The following RNF139 variants were observed in gnomAD, a reference collection of about 807,000 sequenced individuals.
The protein encoded by RNF139 is E3 ubiquitin-protein ligase RNF139.
Under a neutral mutation model 49.5 loss-of-function variants are expected in RNF139, and 15 were observed. That is an observed-to-expected ratio of 0.30 (90% CI 0.20 to 0.47). RNF139 has a LOEUF of 0.47. Among genes scored for constraint, RNF139 ranks in the 20% least tolerant of loss-of-function variants. RNF139 has a pLI of 1.00. For synonymous variants in RNF139, 325 were observed against 300.9 expected (o/e 1.08, Z -0.83); for missense variants, 619 against 806.3 (o/e 0.77, Z 2.81).
At chr8:124,476,660 C>G (rs953398746) in intron 1 of RNF139, among the ~76,000 whole-genome samples, 27 of 152,168 alleles carry the variant, frequency 1.8e-4, no homozygotes, top group Non-Finnish European at 4.4e-5. Context: ...CTAACGTATA[C>G]CACCACCATA....
chr8:124,486,192 T>A lies in RNF139; in HGVS notation c.543T>A (p.Thr181=). The change falls in exon 2 of 2, where the codon ACT becomes ACA. Residue 181 remains threonine, a synonymous_variant. Transcript: ENST00000303545. ...ACATCAGAGAGACTTTACTGTTTAC[T>A]TCTTCCTTGATTCTCACATTAAATA... ...PLHIRETLLF[T]SSLILTLNTV... is the part of the protein sequence containing the mutation. The A allele has an allele frequency of 6.2e-7, 1 of 1,614,224 alleles. No homozygotes were observed. Among genetic ancestry groups the A allele is most frequent in the Non-Finnish European group, 8.5e-7 (1 of 1,180,034 alleles).
rs758345551 is a variant in RNF139, at chr8:124,486,099, C to A, written c.450C>A (p.Ile150=). 3 of 1,614,176 alleles carry A rather than the reference C, an allele frequency of 1.9e-6. No individual in the cohort carries two copies. In the South Asian group the frequency reaches 3.3e-5, roughly 18 times the overall value. Reference sequence around the variant, plus strand: ...TTACACTACTCCAGATTCATTCCATCTATTCACAATTAATTATTTTGGATC... The same window carrying A: ...TTACACTACTCCAGATTCATTCCATATATTCACAATTAATTATTTTGGATC... The part of the protein sequence containing the change: ...GYVTLLQIHS[I]YSQLIILDLL... The change falls in exon 2 of 2, where the codon ATC becomes ATA. Residue 150 remains isoleucine (I), a synonymous_variant. Transcript: ENST00000303545.
At position 124,487,945 on chromosome 8, in the gene RNF139, G is replaced by C. The variant is rs1816570133; in HGVS notation, c.*301G>C. On this transcript the variant is annotated 3_prime_UTR_variant, in exon 2 of 2. Transcript: ENST00000303545. ...TTAATAGATGTAATGATCATATGGT[G>C]CGTCACCTGTGCCAAATATTCTTCA... 1 of 242,450 alleles carries C rather than the reference G, an allele frequency of 4.1e-6. No homozygotes were observed. Among genetic ancestry groups the C allele is most frequent in the South Asian group, 1.4e-4 (1 of 7,310 alleles). 15.0% of individuals were successfully genotyped at this position (242,450 alleles called of 1,614,324 possible). A position where few individuals can be genotyped will look rare whatever the true frequency, so the allele number is the denominator to read the frequency against.
At chr8:124,482,772 C>CA (rs1455510116) in intron 1 of RNF139, among the ~76,000 whole-genome samples, 14 of 149,812 alleles carry the variant, frequency 9.3e-5, no homozygotes, top group African/African-American at 3.4e-4. Flanking sequence ...ACTGAAAATG[C>CA]AAAATTAGCT....
Position 124,482,995 on chromosome 8 carries a change from A to AAT in RNF139, c.182-2827_182-2826dup, listed in dbSNP as rs1182614807. On this transcript the variant is annotated intron_variant, in intron 1 of 1. Transcript: ENST00000303545. Reference sequence around the variant, plus strand: ...TTATTTAAATATATATATATTTAAAAATATATATATTAAAAATATATATAT... The same window carrying AAT: ...TTATTTAAATATATATATATTTAAAAATATATATATATTAAAAATATATATAT... Among the ~76,000 whole-genome samples, 250 of 101,412 alleles carry AAT rather than the reference A, an allele frequency of 2.5e-3. 17 individuals carry two copies. The Admixed American group carries it at 0.028, about 11-fold the overall frequency. 66.5% of individuals were successfully genotyped at this position (101,412 alleles called of 152,430 possible).
intron 1 of RNF139, among the ~76,000 whole-genome samples, chr8:124,482,920 C>A: frequency 2.8e-5 from 3 of 107,512 alleles, no homozygotes; most frequent in Admixed American, 1.2e-4. Context: ...GAGCGAAACT[C>A]CATTAAAAAA....
At chr8:124,477,864 T>TA (rs1220125377) in intron 1 of RNF139, among the ~76,000 whole-genome samples, 9 of 152,292 alleles carry the variant, frequency 5.9e-5, no homozygotes, top group African/African-American at 2.2e-4. Context: ...GAAAAGGCTT[T>TA]AAACATAACA....
Position 124,487,651 on chromosome 8 carries a change from T to C in RNF139, c.*7T>C, listed in dbSNP as rs1187544255. 6.3e-7 allele frequency: 1 copy of C among 1,579,090 alleles called. No individual in the cohort carries two copies. Among genetic ancestry groups the C allele is most frequent in the Admixed American group, 1.9e-5 (1 of 53,960 alleles). ...TAATGATGATACTGACTGATGAAAATAGCATTTATTAATGATTGAGGTATT... is the reference window on the plus strand; with the variant it reads ...TAATGATGATACTGACTGATGAAAACAGCATTTATTAATGATTGAGGTATT... On this transcript the variant is annotated 3_prime_UTR_variant, in exon 2 of 2. Coordinates refer to ENST00000303545, the MANE Select transcript of RNF139 (RefSeq NM_007218.4).
rs1268176319 is a variant in RNF139 at position 124,486,978 on chromosome 8, A to T, written c.1329A>T (p.Leu443Phe). 2.5e-6 allele frequency: 4 copies of T among 1,613,962 alleles called. No homozygotes were observed. The highest frequency in any genetic ancestry group is 3.4e-6 in the Non-Finnish European group (4 of 1,179,992). ...TTGTTTCTCTCACTGTTTATACGTT[A>T]TTCATGATTGATGGCTACTATAATG... is the stretch of plus-strand genomic sequence containing the variant. ...KVIVSLTVYTLFMIDGYYNVL... is the reference protein window; with the variant it reads ...KVIVSLTVYTFFMIDGYYNVL... The change falls in exon 2 of 2, where the codon TTA (leucine) becomes TTT (phenylalanine). Residue 443 changes from leucine (L) to phenylalanine (F), a missense_variant. This residue lies in a region of RNF139 where 530 missense variants were observed against 728.9 expected (regional missense o/e 0.73). Coordinates refer to ENST00000303545, the MANE Select transcript of RNF139 (RefSeq NM_007218.4).
In RNF139 at chr8:124,486,124, C is replaced by A. The variant is rs754541446; in HGVS notation, c.475C>A (p.Leu159Ile). 1 of 1,614,028 alleles carries A rather than the reference C, an allele frequency of 6.2e-7. No individual in the cohort carries two copies. The highest frequency in any genetic ancestry group is 1.3e-5 in the African/African-American group (1 of 74,918). ...CTATTCACAATTAATTATTTTGGAT[C>A]TCTTGGTTCCTGTAATAGGCTTAAT... ...SIYSQLIILD[L>I]LVPVIGLITE... Residue 159 changes from leucine to isoleucine, a missense_variant, in exon 2 of 2, where the codon CTC (leucine) becomes ATC (isoleucine). Leu to Ile is a conservative substitution (Grantham distance 5, BLOSUM62 2). Around this residue, in one of 2 missense-constraint regions of RNF139, gnomAD observed 530 missense variants for 728.9 expected, o/e 0.73. Coordinates refer to ENST00000303545, the MANE Select transcript of RNF139 (RefSeq NM_007218.4).
chr8:124,479,581 C>T (rs1051518376), intron 1 of RNF139, among the ~76,000 whole-genome samples: 9 of 152,106 alleles, frequency 5.9e-5, no homozygotes, highest in African/African-American at 2.2e-4. Flanking sequence ...TGGGAGCTCT[C>T]CTGTGCACTG....
Position 124,486,840 on chromosome 8 carries a change from T to C in RNF139, c.1191T>C (p.Ala397=). The C allele has an allele frequency of 1.9e-6, 3 of 1,613,898 alleles. No homozygotes were observed. Among genetic ancestry groups the C allele is most frequent in the African/African-American group, 1.3e-5 (1 of 75,006 alleles). ...RRHFPVLFVS[A]CLFILPVLLS... ...ATTTTCCTGTGCTGTTTGTCTCTGC[T>C]TGCCTGTTTATTCTTCCTGTCTTAC... Residue 397 remains alanine (A), a synonymous_variant, in exon 2 of 2, where the codon GCT becomes GCC. Coordinates refer to ENST00000303545, the MANE Select transcript of RNF139 (RefSeq NM_007218.4).
In RNF139 at chr8:124,488,147, T is replaced by G. The variant is rs1209109950; in HGVS notation, c.*503T>G. On this transcript the variant is annotated 3_prime_UTR_variant, in exon 2 of 2. Transcript: ENST00000303545. ...GAAAAAATTAGCTGCCAGAAGCAACTGAGGACCTTTTTTGAAACTTGAGTA... is the reference window on the plus strand; with the variant it reads ...GAAAAAATTAGCTGCCAGAAGCAACGGAGGACCTTTTTTGAAACTTGAGTA... Among the ~76,000 whole-genome samples the G allele has an allele frequency of 6.6e-6, 1 of 152,190 alleles. No homozygotes were observed. The highest frequency in any genetic ancestry group is 2.1e-4 in the South Asian group (1 of 4,832).
In RNF139 at chr8:124,478,767, C is replaced by T. The variant is rs1333563399; in HGVS notation, c.181+3477C>T. The stretch of plus-strand genomic sequence containing the variant: ...CGGAGTTTGCTCTTGTTGCCCAGGC[C>T]GGAGTGCAATGGCGTGATCTCGGCT... On this transcript the variant is annotated intron_variant, in intron 1 of 1. Coordinates refer to ENST00000303545, the MANE Select transcript of RNF139 (RefSeq NM_007218.4). 1.3e-5 allele frequency among the ~76,000 whole-genome samples: 2 copies of T among 150,276 alleles called. 1 individual carries two copies. The highest frequency in any genetic ancestry group is 4.9e-5 in the African/African-American group (2 of 40,836).
rs1417271493 is a variant in RNF139, at chr8:124,487,119, G to A, written c.1470G>A (p.Glu490=). 3 of 1,613,734 alleles carry A rather than the reference G, an allele frequency of 1.9e-6. No individual in the cohort carries two copies. In the African/African-American group the frequency reaches 4.0e-5, roughly 22 times the overall value. The change falls in exon 2 of 2, where the codon GAG becomes GAA. Residue 490 remains glutamate, a synonymous_variant. Coordinates refer to ENST00000303545, the MANE Select transcript of RNF139 (RefSeq NM_007218.4). ...ATGGGGCTTACACTATGATGTTTGA[G>A]TCGGGAAGTAAAATTCGGGCTTTTA... ...FGNGAYTMMF[E]SGSKIRAFMM... is the part of the protein sequence containing the mutation.
chr8:124,478,670 T>A (rs1173591853), intron 1 of RNF139, among the ~76,000 whole-genome samples: 4 of 152,074 alleles, frequency 2.6e-5, no homozygotes, highest in Non-Finnish European at 5.9e-5. Flanking sequence ...TTTATTAGTT[T>A]TGCAAAGGTA....
At chr8:124,478,140 TA>T (rs1395642000) in intron 1 of RNF139, among the ~76,000 whole-genome samples, 30 of 133,586 alleles carry the variant, frequency 2.2e-4, no homozygotes, top group Admixed American at 3.0e-4. Context: ...AGACTCTGTC[TA>T]AAAAAAAAAA....
In RNF139 at chr8:124,487,335, G is replaced by A. The variant is rs375119875; in HGVS notation, c.1686G>A (p.Pro562=). 1.7e-5 allele frequency: 27 copies of A among 1,613,894 alleles called. No homozygotes were observed. The African/African-American group carries it at 1.7e-4, about 10-fold the overall frequency. ...HEFTTSARIT[P]CNHYFHALCL... Reference sequence around the variant, plus strand: ...TTACAACATCTGCTCGTATTACACCGTGTAATCATTATTTCCATGCACTTT... The same window carrying A: ...TTACAACATCTGCTCGTATTACACCATGTAATCATTATTTCCATGCACTTT... The change falls in exon 2 of 2, where the codon CCG becomes CCA. Residue 562 remains proline, a synonymous_variant. Transcript: ENST00000303545.
At position 124,477,350 on chromosome 8, in the gene RNF139, G is replaced by T. The variant is rs1054139750; in HGVS notation, c.181+2060G>T. Among the ~76,000 whole-genome samples the T allele has an allele frequency of 2.6e-5, 4 of 152,162 alleles. No homozygotes were observed. The South Asian group carries it at 8.3e-4, about 31-fold the overall frequency. On this transcript the variant is annotated intron_variant, in intron 1 of 1. Transcript: ENST00000303545. Reference sequence around the variant, plus strand: ...AAAATTATGTTACTAAAAGACACAGGTTTGTGTGTAAATATGCCAATGGAT... The same window carrying T: ...AAAATTATGTTACTAAAAGACACAGTTTTGTGTGTAAATATGCCAATGGAT...
Sources: allele counts gnomAD v4.1 joint callset (sites outside exome capture counted in the v4.1 genomes callset), GRCh38; gene constraint gnomAD v4.1.1; regional missense constraint gnomAD v4.1.1; transcripts MANE v1.5; gene names NCBI Gene and HGNC (gene_info 2026-07-23, HGNC 2026-07-21).